CPM: variants seen among roughly 807,000 people sequenced by gnomAD.
CPM encodes the protein renal carboxypeptidase.
In CPM, 35 loss-of-function variants were observed where a neutral mutation model predicts 46.4. The observed-to-expected ratio is 0.75, with a 90% confidence interval of 0.58 to 1.00. CPM has a LOEUF of 1.00. Ranked by LOEUF, CPM falls within the 50% of genes least tolerant of loss-of-function variation. CPM has a pLI of 0.00. For synonymous variants in CPM, 195 were observed against 195.3 expected (o/e 1.00, Z 0.01); for missense variants, 422 against 530.4 (o/e 0.80, Z 2.01).
intron 2 of CPM, among the ~76,000 whole-genome samples, chr12:68,897,010 AG>A (rs1409701808): frequency 6.6e-6 from 1 of 152,136 alleles, no homozygotes; most frequent in African/African-American, 2.4e-5. Context: ...GAAACAGAAC[AG>A]CTTGTCTCAT....
chr12:68,956,413 C>T (rs765215303), intron 1 of CPM, among the ~76,000 whole-genome samples: 28 of 152,184 alleles, frequency 1.8e-4, no homozygotes, highest in South Asian at 4.1e-4. Context: ...GGTCTGTTCC[C>T]GGCTCCCACT....
At chr12:68,882,022 T>G (rs1239179314) in intron 3 of CPM, among the ~76,000 whole-genome samples, 1 of 65,408 alleles carries the variant, frequency 1.5e-5, no homozygotes. Context: ...ACGCCCGGCC[T>G]GCTTTTTTTT....
At chr12:68,875,624 G>A (rs1310856225) in intron 3 of CPM, among the ~76,000 whole-genome samples, 1 of 151,766 alleles carries the variant, frequency 6.6e-6, no homozygotes, top group Non-Finnish European at 1.5e-5. Context: ...TGGCCAGCAT[G>A]GTGAAACCCT....
intron 2 of CPM, among the ~76,000 whole-genome samples, chr12:68,905,969 A>G (rs1887328220): frequency 6.6e-6 from 1 of 152,166 alleles, no homozygotes; most frequent in Non-Finnish European, 1.5e-5. Flanking sequence ...TATCTGTGCT[A>G]CAGGCATTGT....
chr12:68,872,442 G>T (rs11837900), intron 3 of CPM, among the ~76,000 whole-genome samples: 17,205 of 151,900 alleles, frequency 0.11, 2,021 homozygotes, highest in African/African-American at 0.29. Context: ...TAGTAGAGAT[G>T]GGGTTTCACT....
At chr12:68,910,619 A>G (rs1887554769) in intron 2 of CPM, among the ~76,000 whole-genome samples, 1 of 152,236 alleles carries the variant, frequency 6.6e-6, no homozygotes, top group Admixed American at 6.5e-5. Flanking sequence ...GTTTAAGTAT[A>G]CAAGTCACTA....
rs371394523 is a variant in CPM at position 68,871,835 on chromosome 12, G to A, written c.380C>T (p.Pro127Leu). The A allele has an allele frequency of 3.9e-5, 63 of 1,614,028 alleles. No homozygotes were observed. Among genetic ancestry groups the A allele is most frequent in the African/African-American group, 5.3e-5 (4 of 74,900 alleles). ...TRIHIMPSMN[P>L]DGFEAVKKPD... is the part of the protein sequence containing the mutation. ...CTTTTTGACGGCTTCAAATCCATCT[G>A]GGTTCATGGAAGGCATGATGTGTAT... The change falls in exon 4 of 9, where the codon CCA becomes CTA. Residue 127 changes from proline (P) to leucine (L), a missense_variant. Coordinates refer to ENST00000551568, the MANE Select transcript of CPM (RefSeq NM_198320.5).
At chr12:68,959,799 T>C (rs1467780680) in intron 1 of CPM, among the ~76,000 whole-genome samples, 1 of 152,202 alleles carries the variant, frequency 6.6e-6, no homozygotes, top group Admixed American at 6.5e-5. Flanking sequence ...CCTGATGCTA[T>C]GGTAATTTCT....
intron 2 of CPM, among the ~76,000 whole-genome samples, chr12:68,929,866 A>G (rs1888430538): frequency 6.6e-6 from 1 of 152,088 alleles, no homozygotes; most frequent in Non-Finnish European, 1.5e-5. Flanking sequence ...ACATGAAATG[A>G]AAAAACAAGC....
chr12:68,912,793 A>G (rs554620101), intron 2 of CPM, among the ~76,000 whole-genome samples: 1 of 152,324 alleles, frequency 6.6e-6, no homozygotes, highest in Non-Finnish European at 1.5e-5. Flanking sequence ...GAGGAAATAC[A>G]GTTTGGACTG....
At chr12:68,961,346 T>C (rs1780190086) in intron 1 of CPM, among the ~76,000 whole-genome samples, 1 of 152,156 alleles carries the variant, frequency 6.6e-6, no homozygotes. Context: ...AGTTTTGCCA[T>C]GTTGCCCAGG....
chr12:68,874,557 A>C (rs1433833967), intron 3 of CPM, among the ~76,000 whole-genome samples: 1 of 152,134 alleles, frequency 6.6e-6, no homozygotes, highest in Non-Finnish European at 1.5e-5. Context: ...CGGAGGTTGC[A>C]ATGAGCCGAG....
intron 2 of CPM, among the ~76,000 whole-genome samples, chr12:68,928,457 T>C (rs187430459): frequency 7.9e-5 from 12 of 152,354 alleles, no homozygotes; most frequent in Non-Finnish European, 1.8e-4. Context: ...TGAGTTTGAA[T>C]CTTCTAATAC....
intron 4 of CPM, among the ~76,000 whole-genome samples, chr12:68,871,306 G>A (rs1885682652): frequency 6.6e-6 from 1 of 152,192 alleles, no homozygotes; most frequent in Non-Finnish European, 1.5e-5. Context: ...AGCTTGCAGT[G>A]TAGTGGGGGG....
At chr12:68,950,933 A>G (rs1592715367) in intron 1 of CPM, among the ~76,000 whole-genome samples, 1 of 152,202 alleles carries the variant, frequency 6.6e-6, no homozygotes, top group Admixed American at 6.5e-5. Context: ...CAGACTGCAG[A>G]CCCAAGCACC....
At chr12:68,887,901 G>A (rs2136256348) in intron 2 of CPM, among the ~76,000 whole-genome samples, 1 of 152,270 alleles carries the variant, frequency 6.6e-6, no homozygotes, top group South Asian at 2.1e-4. Context: ...TTGCCATGTG[G>A]ACAAGTACAC....
intron 1 of CPM, among the ~76,000 whole-genome samples, chr12:68,955,374 G>A (rs1043681286): frequency 2.0e-5 from 3 of 152,332 alleles, no homozygotes; most frequent in African/African-American, 7.2e-5. Context: ...TGGAAGCTTA[G>A]AAATGCCAGG....
At chr12:68,963,385 C>G (rs1426262896), upstream of CPM, 1 of 152,886 alleles carries the variant, frequency 6.5e-6, no homozygotes, top group Non-Finnish European at 1.5e-5. Flanking sequence ...TAAAAATGTG[C>G]ACTTTCCTCT....
In CPM at chr12:68,933,160, C is replaced by T; in HGVS notation, c.-22G>A. On this transcript the variant is annotated 5_prime_UTR_variant, in exon 1 of 9. Transcript: ENST00000551568. ...GCCTCACCAGGTCCCAGGCGCGCAC[C>T]TCTACCCACCCGCGGCCGCCCGGCG... The T allele has an allele frequency of 5.4e-6, 1 of 184,582 alleles. No homozygotes were observed. The highest frequency in any genetic ancestry group is 1.1e-5 in the Non-Finnish European group (1 of 90,344). 11.4% of individuals were successfully genotyped at this position (184,582 alleles called of 1,614,324 possible). A position where few individuals can be genotyped will look rare whatever the true frequency, so the allele number is the denominator to read the frequency against.
Sources: gnomAD v4.1 joint callset for allele counts (sites outside exome capture counted in the v4.1 genomes callset) on GRCh38, gnomAD v4.1.1 for gene constraint, MANE v1.5 for transcripts, NCBI Gene and HGNC (gene_info 2026-07-23, HGNC 2026-07-21) for gene names.